The following NALF1 variants were observed in gnomAD, a reference collection of about 807,000 sequenced individuals.
NALF1 encodes the protein NALCN channel auxiliary factor 1.
NALF1 carries 3 observed loss-of-function variants against 48.4 expected under a neutral mutation model. That is an observed-to-expected ratio of 0.06 (90% CI 0.03 to 0.16). The LOEUF is 0.16. NALF1 is among the 10% of genes least tolerant of loss of function. NALF1 has a pLI of 1.00. For missense variants in NALF1, 526 were observed against 571.5 expected (o/e 0.92, Z 0.81); for synonymous variants, 262 against 245.7 (o/e 1.07, Z -0.62).
chr13:107,715,369 A>C lies in NALF1; in HGVS notation c.915+150313T>G, dbSNP rs150371509. On this transcript the variant is annotated intron_variant, in intron 1 of 2. Coordinates refer to ENST00000375915, the MANE Select transcript of NALF1 (RefSeq NM_001080396.3). ...AGGCATGTACCACCACAACTGGCTA[A>C]TTTTGTATTTTTAGTAGAGACGGGG... Among the ~76,000 whole-genome samples the C allele has an allele frequency of 4.9e-3, 738 of 152,024 alleles. 6 individuals carry two copies. The highest frequency in any genetic ancestry group is 0.017 in the African/African-American group (705 of 41,498).
chr13:107,388,266 G>C (rs971248440), intron 1 of NALF1, among the ~76,000 whole-genome samples: 2 of 152,160 alleles, frequency 1.3e-5, no homozygotes, highest in Admixed American at 1.3e-4. Context: ...TCAAGTATTT[G>C]TTATGCAGAA....
intron 1 of NALF1, among the ~76,000 whole-genome samples, chr13:107,467,087 C>G (rs1468188910): frequency 1.3e-5 from 2 of 152,104 alleles, no homozygotes; most frequent in East Asian, 3.8e-4. Context: ...TATTTGACCA[C>G]TTTTTCTAAG....
At chr13:107,637,998 G>T (rs1293617616) in intron 1 of NALF1, among the ~76,000 whole-genome samples, 1 of 151,464 alleles carries the variant, frequency 6.6e-6, no homozygotes, top group Non-Finnish European at 1.5e-5. Context: ...CAACAGATTT[G>T]GTTTTAACAA....
intron 1 of NALF1, among the ~76,000 whole-genome samples, chr13:107,355,072 T>C (rs560197563): frequency 6.6e-6 from 1 of 152,314 alleles, no homozygotes; most frequent in African/African-American, 2.4e-5. Flanking sequence ...GGGCACTGCC[T>C]ATCTTTGTTC....
intron 1 of NALF1, among the ~76,000 whole-genome samples, chr13:107,456,607 T>C (rs912222996): frequency 1.3e-5 from 2 of 152,192 alleles, no homozygotes; most frequent in African/African-American, 4.8e-5. Context: ...AGCAGTTTTA[T>C]TTTCATGGAT....
intron 1 of NALF1, among the ~76,000 whole-genome samples, chr13:107,280,858 T>C (rs562605934): frequency 6.6e-6 from 1 of 152,322 alleles, no homozygotes; most frequent in South Asian, 2.1e-4. Context: ...AACTCAAAAT[T>C]GCATCCCTGA....
At chr13:107,296,911 C>T (rs963169094) in intron 1 of NALF1, among the ~76,000 whole-genome samples, 1 of 152,054 alleles carries the variant, frequency 6.6e-6, no homozygotes, top group African/African-American at 2.4e-5. Flanking sequence ...TTACTGGGAG[C>T]AGCTGTCATC....
At chr13:107,583,325 AT>A (rs1878366698) in intron 1 of NALF1, among the ~76,000 whole-genome samples, 1 of 152,204 alleles carries the variant, frequency 6.6e-6, no homozygotes, top group Non-Finnish European at 1.5e-5. Flanking sequence ...AAATGTTCAA[AT>A]AATGTTATCA....
chr13:107,755,482 T>C (rs1489607815), intron 1 of NALF1, among the ~76,000 whole-genome samples: 1 of 151,696 alleles, frequency 6.6e-6, no homozygotes, highest in African/African-American at 2.4e-5. Context: ...GTCTTTTTCA[T>C]GAGTCCATCT....
intron 1 of NALF1, among the ~76,000 whole-genome samples, chr13:107,630,538 C>T (rs1209449053): frequency 6.6e-6 from 1 of 152,068 alleles, no homozygotes; most frequent in African/African-American, 2.4e-5. Flanking sequence ...AGCAGAAATA[C>T]TGTTTTTACC....
intron 2 of NALF1, among the ~76,000 whole-genome samples, chr13:107,208,770 A>G (rs1044596949): frequency 1.3e-5 from 2 of 152,198 alleles, no homozygotes; most frequent in African/African-American, 4.8e-5. Context: ...GCAAAATTCA[A>G]TATGAATTAA....
chr13:107,748,164 T>G (rs1397062180), intron 1 of NALF1, among the ~76,000 whole-genome samples: 1 of 152,128 alleles, frequency 6.6e-6, no homozygotes, highest in Non-Finnish European at 1.5e-5. Flanking sequence ...CCAACAGTTG[T>G]GAAAAGGATA....
At position 107,167,027 on chromosome 13, in the gene NALF1, T is replaced by C. The variant is rs902275684; in HGVS notation, c.*3470A>G. The C allele has an allele frequency of 6.6e-5, 10 of 152,180 alleles. No individual in the cohort carries two copies. The highest frequency in any genetic ancestry group is 6.5e-4 in the Admixed American group (10 of 15,286). 9.4% of individuals were successfully genotyped at this position (152,180 alleles called of 1,614,324 possible). On this transcript the variant is annotated 3_prime_UTR_variant, in exon 3 of 3. Transcript: ENST00000375915. The stretch of plus-strand genomic sequence containing the variant: ...AATATAACGTATCACCAAATGTAAA[T>C]GCAATAAAGAATGACATTGAACTCT...
At chr13:107,844,045 G>C (rs1273454590) in intron 1 of NALF1, among the ~76,000 whole-genome samples, 1 of 152,060 alleles carries the variant, frequency 6.6e-6, no homozygotes, top group Non-Finnish European at 1.5e-5. Flanking sequence ...AATCTTTTAT[G>C]AATCAGTTAA....
At chr13:107,451,781 CCTCT>C (rs1465107482) in intron 1 of NALF1, among the ~76,000 whole-genome samples, 3 of 152,208 alleles carry the variant, frequency 2.0e-5, no homozygotes, top group Non-Finnish European at 4.4e-5. Context: ...GTCTATCCCT[CCTCT>C]CTAAGTGACA....
At chr13:107,472,239 G>C (rs1474217469) in intron 1 of NALF1, among the ~76,000 whole-genome samples, 1 of 152,194 alleles carries the variant, frequency 6.6e-6, no homozygotes, top group Non-Finnish European at 1.5e-5. Context: ...TGAGGCAGGA[G>C]AATTGCTTGA....
At position 107,359,004 on chromosome 13, in the gene NALF1, A is replaced by C. The variant is rs184265355; in HGVS notation, c.916-148249T>G. ...TTTGGAGATCCTGAACTATTTTGCCAAATCTCCCTTTAATCTTATATTCTC... is the reference window on the plus strand; with the variant it reads ...TTTGGAGATCCTGAACTATTTTGCCCAATCTCCCTTTAATCTTATATTCTC... On this transcript the variant is annotated intron_variant, in intron 1 of 2. Transcript: ENST00000375915. Among the ~76,000 whole-genome samples the C allele has an allele frequency of 2.9e-3, 439 of 152,230 alleles. 2 individuals are homozygous for C. Among genetic ancestry groups the C allele is most frequent in the Non-Finnish European group, 4.8e-3 (329 of 67,998 alleles).
At chr13:107,363,108 A>G (rs1883093704) in intron 1 of NALF1, among the ~76,000 whole-genome samples, 1 of 152,254 alleles carries the variant, frequency 6.6e-6, no homozygotes, top group Admixed American at 6.5e-5. Flanking sequence ...CCTTAAGTCA[A>G]GAATTTTTAT....
At chr13:107,186,396 T>G (rs1262663969) in intron 2 of NALF1, among the ~76,000 whole-genome samples, 1 of 152,126 alleles carries the variant, frequency 6.6e-6, no homozygotes, top group Non-Finnish European at 1.5e-5. Flanking sequence ...TGAGACAGAG[T>G]CTCGCTCTGT....
Sources: allele counts gnomAD v4.1 joint callset (sites outside exome capture counted in the v4.1 genomes callset), GRCh38; gene constraint gnomAD v4.1.1; transcripts MANE v1.5; gene names NCBI Gene and HGNC (gene_info 2026-07-23, HGNC 2026-07-21).